The following EPDR1 variants were observed in gnomAD, a reference collection of about 807,000 sequenced individuals.
EPDR1 encodes mammalian ependymin-related protein 1.
EPDR1 carries 27 observed loss-of-function variants against 23.7 expected under a neutral mutation model. The observed-to-expected ratio is 1.14, with a 90% CI of 0.84 to 1.57. The LOEUF (loss-of-function observed/expected upper bound fraction) is 1.57. Ranked by LOEUF, EPDR1 falls within the 40% of genes most tolerant of loss-of-function variation. The pLI, the probability that EPDR1 is intolerant of heterozygous loss-of-function variation, is 0.00. For synonymous variants in EPDR1, 137 were observed against 118.2 expected (o/e 1.16, Z -1.03); for missense variants, 349 against 290.4 (o/e 1.20, Z -1.47).
At chr7:37,930,572 A>G (rs1785916155) in intron 1 of EPDR1, among the ~76,000 whole-genome samples, 1 of 152,058 alleles carries the variant, frequency 6.6e-6, no homozygotes, top group Non-Finnish European at 1.5e-5. Flanking sequence ...CTTGTCACAC[A>G]CCCTGTCCTT....
chr7:37,950,184 T>A lies in EPDR1; in HGVS notation c.479-16T>A, dbSNP rs775328126. 3 of 1,569,432 alleles carry A rather than the reference T, an allele frequency of 1.9e-6. No homozygotes were observed. The African/African-American group carries it at 4.1e-5, about 21-fold the overall frequency. Reference sequence around the variant, plus strand: ...CTGTCTTCTTTATTTAAAAGTCAACTTTTTTCCTCTTATAGATGAAACCTG... The same window carrying A: ...CTGTCTTCTTTATTTAAAAGTCAACATTTTTCCTCTTATAGATGAAACCTG... On this transcript the variant is annotated splice_polypyrimidine_tract_variant and intron_variant, in intron 2 of 2. Transcript: ENST00000199448.
At chr7:37,939,300 A>G (rs1455771422) in intron 1 of EPDR1, among the ~76,000 whole-genome samples, 1 of 151,954 alleles carries the variant, frequency 6.6e-6, no homozygotes, top group Non-Finnish European at 1.5e-5. Flanking sequence ...TTTCTCACAA[A>G]TTGATGTGGA....
intron 1 of EPDR1, among the ~76,000 whole-genome samples, chr7:37,940,347 T>C (rs1007898150): frequency 2.0e-5 from 3 of 152,188 alleles, no homozygotes; most frequent in Non-Finnish European, 4.4e-5. Flanking sequence ...CAACGTACCA[T>C]TTTCTGTCAT....
intron 1 of EPDR1, among the ~76,000 whole-genome samples, chr7:37,924,298 A>C (rs1464348073): frequency 6.6e-6 from 1 of 152,232 alleles, no homozygotes; most frequent in Non-Finnish European, 1.5e-5. Context: ...CATCATGAAT[A>C]AGACAGGCCA....
intron 1 of EPDR1, chr7:37,926,683 T>C (rs1280977200): frequency 2.2e-6 from 1 of 454,376 alleles, no homozygotes; most frequent in Non-Finnish European, 4.4e-6. Flanking sequence ...TACTTACCTT[T>C]GGCAGGAATA....
intron 1 of EPDR1, among the ~76,000 whole-genome samples, chr7:37,922,567 G>T (rs1184168192): frequency 6.6e-6 from 1 of 151,982 alleles, no homozygotes; most frequent in Non-Finnish European, 1.5e-5. Context: ...TAACTTGACA[G>T]TATAGGTTTT....
intron 1 of EPDR1, among the ~76,000 whole-genome samples, chr7:37,938,573 C>G (rs543427618): frequency 8.7e-4 from 132 of 152,308 alleles, no homozygotes; most frequent in Middle Eastern, 3.4e-3. Flanking sequence ...ATGCCTTGAG[C>G]ATCCAGAGAA....
intron 1 of EPDR1, among the ~76,000 whole-genome samples, chr7:37,943,584 A>G (rs920704805): frequency 6.6e-6 from 1 of 152,234 alleles, no homozygotes; most frequent in African/African-American, 2.4e-5. Flanking sequence ...TTATATCCAC[A>G]TGGGATTTTG....
intron 1 of EPDR1, among the ~76,000 whole-genome samples, chr7:37,934,133 C>T (rs561343569): frequency 7.9e-5 from 12 of 152,156 alleles, no homozygotes; most frequent in African/African-American, 2.4e-5. Context: ...CCCACCACCA[C>T]GCCTGGCTAA....
intron 1 of EPDR1, among the ~76,000 whole-genome samples, chr7:37,921,908 T>C (rs1300975808): frequency 6.6e-6 from 1 of 152,358 alleles, no homozygotes; most frequent in Non-Finnish European, 1.5e-5. Context: ...CTATTTTTAA[T>C]GGCTGCACAG....
At chr7:37,939,259 A>G (rs768251630) in intron 1 of EPDR1, among the ~76,000 whole-genome samples, 1 of 152,082 alleles carries the variant, frequency 6.6e-6, no homozygotes, top group Admixed American at 6.6e-5. Flanking sequence ...TATTACAGAC[A>G]TGAGCCACCA....
rs775843897 is a variant in EPDR1 at position 37,950,327 on chromosome 7, G to A, written c.606G>A (p.Ser202=). ...TCCAGCTGGGTATTAAAGACCCCTCGGTGTTTACCCCTCCAAGCACGTGCC... is the reference window on the plus strand; with the variant it reads ...TCCAGCTGGGTATTAAAGACCCCTCAGTGTTTACCCCTCCAAGCACGTGCC... ...FDIQLGIKDP[S]VFTPPSTCQM... is the part of the protein sequence containing the mutation. Residue 202 remains serine, a synonymous_variant, in exon 3 of 3, where the codon TCG becomes TCA. Transcript: ENST00000199448. The A allele has an allele frequency of 2.5e-6, 4 of 1,613,808 alleles. No individual in the cohort carries two copies. Among genetic ancestry groups the A allele is most frequent in the South Asian group, 2.2e-5 (2 of 91,006 alleles).
intron 1 of EPDR1, among the ~76,000 whole-genome samples, chr7:37,924,711 T>C (rs1388105149): frequency 6.6e-6 from 1 of 152,248 alleles, no homozygotes; most frequent in Admixed American, 6.5e-5. Context: ...GTCACATCGC[T>C]GGCCCTAAGT....
intron 1 of EPDR1, among the ~76,000 whole-genome samples, chr7:37,936,083 C>A (rs1433303490): frequency 7.4e-6 from 1 of 135,018 alleles, no homozygotes; most frequent in Non-Finnish European, 1.6e-5. Flanking sequence ...GTAATTCATT[C>A]TCACTTATGA....
chr7:37,946,392 T>G (rs148212995), intron 1 of EPDR1, among the ~76,000 whole-genome samples: 2,206 of 152,326 alleles, frequency 0.014, 50 homozygotes, highest in African/African-American at 0.049. Flanking sequence ...CGCCAGCATC[T>G]GTTGTTTTCT....
chr7:37,931,419 C>T (rs887554276), intron 1 of EPDR1, among the ~76,000 whole-genome samples: 1 of 152,200 alleles, frequency 6.6e-6, no homozygotes, highest in Admixed American at 6.5e-5. Flanking sequence ...GAGGCTGAGG[C>T]AGGAGAATTG....
chr7:37,921,975 C>T (rs1464554424), intron 1 of EPDR1, among the ~76,000 whole-genome samples: 1 of 152,176 alleles, frequency 6.6e-6, no homozygotes, highest in Non-Finnish European at 1.5e-5. Flanking sequence ...TGACCATTCA[C>T]CTTTTCACAT....
At chr7:37,927,086 G>A (rs1785829364) in intron 1 of EPDR1, among the ~76,000 whole-genome samples, 1 of 152,098 alleles carries the variant, frequency 6.6e-6, no homozygotes, top group South Asian at 2.1e-4. Flanking sequence ...CCCAGTCCTA[G>A]GATAAACCAT....
chr7:37,921,282 G>A (rs946438445), intron 1 of EPDR1, 74 bp downstream of exon 1: 1 of 1,499,532 alleles, frequency 6.7e-7, no homozygotes, highest in Non-Finnish European at 8.8e-7. Flanking sequence ...GCAGAGGCCT[G>A]CGCCCTGTAA....
Sources: allele counts gnomAD v4.1 joint callset (sites outside exome capture counted in the v4.1 genomes callset), GRCh38; gene constraint gnomAD v4.1.1; transcripts MANE v1.5; gene names NCBI Gene and HGNC (gene_info 2026-07-23, HGNC 2026-07-21).